The following TF variants were observed in gnomAD, a reference collection of about 807,000 sequenced individuals.
TF encodes the protein serotransferrin.
A neutral mutation model predicts 82.4 loss-of-function variants in TF; 55 were observed. That is an observed-to-expected ratio of 0.67 (90% CI 0.54 to 0.84). The LOEUF is 0.84. TF is among the 40% of genes least tolerant of loss of function. The pLI, the probability that TF is intolerant of heterozygous loss-of-function variation, is 0.00. For synonymous variants in TF, 332 were observed against 332.6 expected (o/e 1.00, Z 0.02); for missense variants, 737 against 868.4 (o/e 0.85, Z 1.90).
chr3:133,768,835 C>T (rs2107927949), intron 13 of TF, among the ~76,000 whole-genome samples: 1 of 138,738 alleles, frequency 7.2e-6, no homozygotes, highest in South Asian at 2.3e-4. Context: ...CTCTGTTGCC[C>T]AGGCTGGAGT....
chr3:133,736,830 G>C, the TF span, among the ~76,000 whole-genome samples: 1 of 151,768 alleles, frequency 6.6e-6, no homozygotes, highest in South Asian at 2.1e-4. Flanking sequence ...AAGTTCTTAG[G>C]GACGGACAAA....
intron 5 of TF, chr3:133,755,920 C>G: frequency 2.3e-6 from 1 of 434,940 alleles, no homozygotes; most frequent in Non-Finnish European, 4.2e-6. Flanking sequence ...AAGCTGATTT[C>G]TTGCTTTCTC....
rs2107941731 is a variant in TF at position 133,783,767 on chromosome 3, G to T, written c.*5147G>T. On this transcript the variant is annotated 3_prime_UTR_variant, in exon 17 of 17. Transcript: ENST00000402696. ...CAGGCCCTCCGCCCGGTAGAACCCGGAGCCCTGGCCGCGGCTGCCCCACCG... is the reference window on the plus strand; with the variant it reads ...CAGGCCCTCCGCCCGGTAGAACCCGTAGCCCTGGCCGCGGCTGCCCCACCG... 1 of 152,382 alleles carries T rather than the reference G, an allele frequency of 6.6e-6. No individual in the cohort carries two copies. Among genetic ancestry groups the T allele is most frequent in the South Asian group, 2.1e-4 (1 of 4,832 alleles). The allele number at this position is 152,382 out of a possible 1,614,324, so 9.4% of individuals were successfully genotyped here. A position where few individuals can be genotyped will look rare whatever the true frequency, so the allele number is the denominator to read the frequency against.
chr3:133,682,311 A>G, the TF span, among the ~76,000 whole-genome samples: 1 of 152,208 alleles, frequency 6.6e-6, no homozygotes, highest in Middle Eastern at 3.2e-3. Context: ...CTCCAAAGGA[A>G]TGCAGCTCCC....
the TF span, among the ~76,000 whole-genome samples, chr3:133,669,735 C>G: frequency 6.6e-6 from 1 of 152,202 alleles, no homozygotes; most frequent in East Asian, 1.9e-4. Context: ...CTCCCCACTC[C>G]CACCCTAACA....
At chr3:133,746,337 G>A, upstream of TF, 2 of 1,385,184 alleles carry the variant, frequency 1.4e-6, no homozygotes, top group East Asian at 2.5e-5. Flanking sequence ...CAAAGATTGC[G>A]CCCAGCCCGC....
chr3:133,714,092 G>C, the TF span, among the ~76,000 whole-genome samples: 2 of 152,162 alleles, frequency 1.3e-5, no homozygotes, highest in Non-Finnish European at 2.9e-5. Flanking sequence ...TCAGGCCTGA[G>C]AAAACCTGGA....
At chr3:133,718,190 A>G in the TF span, among the ~76,000 whole-genome samples, 80 of 152,136 alleles carry the variant, frequency 5.3e-4, no homozygotes, top group South Asian at 1.2e-3. Context: ...ATAGGGTGGG[A>G]TAAATGCAGG....
the TF span, among the ~76,000 whole-genome samples, chr3:133,677,596 C>T: frequency 6.6e-6 from 1 of 152,140 alleles, no homozygotes; most frequent in African/African-American, 2.4e-5. Flanking sequence ...CAAGATTGCG[C>T]CACTGCACTC....
chr3:133,733,807 C>T, the TF span, among the ~76,000 whole-genome samples: 37 of 152,202 alleles, frequency 2.4e-4, no homozygotes, highest in African/African-American at 7.7e-4. Flanking sequence ...TGGCTGCTCC[C>T]TTTCTTCTTT....
the TF span, among the ~76,000 whole-genome samples, chr3:133,725,824 A>T: frequency 6.6e-6 from 1 of 152,156 alleles, no homozygotes; most frequent in Non-Finnish European, 1.5e-5. Context: ...ATTTTGAGAT[A>T]CGTCCCATCA....
At chr3:133,730,067 C>G in the TF span, among the ~76,000 whole-genome samples, 214 of 152,324 alleles carry the variant, frequency 1.4e-3, 4 homozygotes, top group East Asian at 0.031. Context: ...GATATCAGCA[C>G]ATCTAGCGAA....
At chr3:133,763,753 G>A (rs896793899) in intron 9 of TF, among the ~76,000 whole-genome samples, 3 of 152,228 alleles carry the variant, frequency 2.0e-5, no homozygotes, top group African/African-American at 7.2e-5. Flanking sequence ...ATAGCACTCA[G>A]CCAAGGAGGC....
At chr3:133,757,066 G>A in intron 7 of TF, 57 bp downstream of exon 7, 1 of 1,609,240 alleles carries the variant, frequency 6.2e-7, no homozygotes, top group Non-Finnish European at 8.5e-7. Context: ...GGATTTGGGG[G>A]TTTTCCTCCT....
At position 133,763,357 on chromosome 3, in the gene TF, T is replaced by C. The variant is rs77196823; in HGVS notation, c.1204-825T>C. ...ATGTGTAATTACTATCTTGCATGAA[T>C]TAAGAGAAATAAATATAGCCATACT... On this transcript the variant is annotated intron_variant, in intron 9 of 16. Transcript: ENST00000402696. Among the ~76,000 whole-genome samples the C allele has an allele frequency of 8.6e-3, 1,314 of 152,320 alleles. 17 individuals are homozygous for C. The highest frequency in any genetic ancestry group is 0.03 in the African/African-American group (1,231 of 41,572).
chr3:133,668,585 G>A, the TF span, among the ~76,000 whole-genome samples: 1 of 152,106 alleles, frequency 6.6e-6, no homozygotes, highest in African/African-American at 2.4e-5. Context: ...GCAGATGTGT[G>A]CTTGGGCAGG....
At chr3:133,728,762 G>GT in the TF span, among the ~76,000 whole-genome samples, 8 of 152,238 alleles carry the variant, frequency 5.3e-5, no homozygotes, top group East Asian at 1.2e-3. Context: ...TTTCTGTTCT[G>GT]TTTTTTCCCC....
At chr3:133,725,231 A>C in the TF span, among the ~76,000 whole-genome samples, 1 of 152,232 alleles carries the variant, frequency 6.6e-6, no homozygotes, top group East Asian at 1.9e-4. Context: ...CATTGAATCT[A>C]TAAATTACCT....
the TF span, among the ~76,000 whole-genome samples, chr3:133,723,308 T>C: frequency 2.6e-5 from 4 of 152,284 alleles, no homozygotes; most frequent in South Asian, 8.3e-4. Flanking sequence ...TGAATCTGGA[T>C]GTTCATATCT....
Sources: allele counts gnomAD v4.1 joint callset (sites outside exome capture counted in the v4.1 genomes callset), GRCh38; gene constraint gnomAD v4.1.1; transcripts MANE v1.5; gene names NCBI Gene and HGNC (gene_info 2026-07-23, HGNC 2026-07-21).